The following CREBBP variants were observed in gnomAD, a reference collection of about 807,000 sequenced individuals.
CREBBP encodes CREB binding lysine acetyltransferase, also known as CREB-binding protein.
In CREBBP, 19 loss-of-function variants were observed where a neutral mutation model predicts 265.0. That is an observed-to-expected ratio of 0.07 (90% CI 0.05 to 0.11). CREBBP has a LOEUF of 0.11. CREBBP is among the 10% of genes least tolerant of loss of function. The pLI, the probability that CREBBP is intolerant of heterozygous loss-of-function variation, is 1.00. For missense variants in CREBBP, 2,525 were observed against 3,219.0 expected, an observed-to-expected ratio of 0.78 and a Z score of 5.22; for synonymous variants, 1,457 against 1,223.7, an observed-to-expected ratio of 1.19 and a Z score of -3.98.
At position 3,841,448 on chromosome 16, in the gene CREBBP, A is replaced by G. The variant is rs77872847; in HGVS notation, c.798+8849T>C. Among the ~76,000 whole-genome samples, 852 of 152,204 alleles carry G rather than the reference A, an allele frequency of 5.6e-3. 6 individuals carry two copies. The highest frequency in any genetic ancestry group is 0.018 in the African/African-American group (767 of 41,486). On this transcript the variant is annotated intron_variant, in intron 2 of 30. Coordinates refer to ENST00000262367, the MANE Select transcript of CREBBP (RefSeq NM_004380.3). ...TTTTTACAATTTTTAGTACAAATAA[A>G]GGTGTATATAAGAGAATCAATTTTT...
Position 3,775,412 on chromosome 16 carries a change from C to CT in CREBBP, c.2159-720dup, listed in dbSNP as rs1360325302. ...AATTTCCAATAATACTCTGTAAACT[C>CT]TGAGTTCTAAAGAAGCACCAGTTCA... On this transcript the variant is annotated intron_variant, in intron 11 of 30. Transcript: ENST00000262367. 5.9e-5 allele frequency among the ~76,000 whole-genome samples: 9 copies of CT among 152,290 alleles called. No homozygotes were observed. In the South Asian group the frequency reaches 1.5e-3, roughly 25 times the overall value.
Position 3,813,499 on chromosome 16 carries a change from T to G in CREBBP, c.799-2720A>C, listed in dbSNP as rs130049. 7.9e-5 allele frequency among the ~76,000 whole-genome samples: 12 copies of G among 152,372 alleles called. No individual in the cohort carries two copies. In the East Asian group the frequency reaches 1.7e-3, roughly 22 times the overall value. ...TAAATTAATTCCATGGAACACTTACTACTCTCAGAATTTGTCTTATTACAT... is the reference window on the plus strand; with the variant it reads ...TAAATTAATTCCATGGAACACTTACGACTCTCAGAATTTGTCTTATTACAT... On this transcript the variant is annotated intron_variant, in intron 2 of 30. Transcript: ENST00000262367.
rs1295122362 is a variant in CREBBP, at chr16:3,850,930, G to A, written c.165C>T (p.Asn55=). 1 of 1,614,180 alleles carries A rather than the reference G, an allele frequency of 6.2e-7. No homozygotes were observed. Among genetic ancestry groups the A allele is most frequent in the Non-Finnish European group, 8.5e-7 (1 of 1,180,038 alleles). Residue 55 remains asparagine, a synonymous_variant, in exon 2 of 31, where the codon AAC becomes AAT. Coordinates refer to ENST00000262367, the MANE Select transcript of CREBBP (RefSeq NM_004380.3). The stretch of plus-strand genomic sequence containing the variant: ...CAGCATCTGGAACAAGGTTCCCACT[G>A]TTTAAAAGGCCTAATTCTCCTCCAT... The part of the protein sequence containing the change: ...IPNGGELGLL[N]SGNLVPDAAS...
chr16:3,792,092 C>G lies in CREBBP; in HGVS notation c.1219G>C (p.Ala407Pro). 1 of 1,609,618 alleles carries G rather than the reference C, an allele frequency of 6.2e-7. No homozygotes were observed. The highest frequency in any genetic ancestry group is 8.5e-7 in the Non-Finnish European group (1 of 1,175,908). Residue 407 changes from alanine to proline, a missense_variant and splice_region_variant, in exon 5 of 31, where the codon GCC becomes CCC. Around this residue, in one of 19 missense-constraint regions of CREBBP, gnomAD observed 7 missense variants for 39.8 expected, o/e 0.18. Transcript: ENST00000262367. ...HCQAGKACQV[A>P]HCASSRQIIS... ...ATTTGTCGTGAAGATGCACAATGGG[C>G]AACTATGACCAGAAAAACAACGAGA...
At chr16:3,842,471 C>A (rs377447592) in intron 2 of CREBBP, among the ~76,000 whole-genome samples, 1 of 152,150 alleles carries the variant, frequency 6.6e-6, no homozygotes, top group African/African-American at 2.4e-5. Context: ...AGAACATGCT[C>A]CCCTCATAAG....
chr16:3,846,419 T>G (rs1322590417), intron 2 of CREBBP, among the ~76,000 whole-genome samples: 2 of 152,220 alleles, frequency 1.3e-5, no homozygotes, highest in Admixed American at 1.3e-4. Flanking sequence ...TGATTTAAAA[T>G]CTCAGTATCT....
rs1047759764 is a variant in CREBBP, at chr16:3,787,838, G to C, written c.1330+4143C>G. On this transcript the variant is annotated intron_variant, in intron 5 of 30. Coordinates refer to ENST00000262367, the MANE Select transcript of CREBBP (RefSeq NM_004380.3). The stretch of plus-strand genomic sequence containing the variant: ...CTACAGGCGCATGCTGCCATGCCCA[G>C]CTAATTATTTGTATTTTAGTAGAGA... 7.8e-4 allele frequency among the ~76,000 whole-genome samples: 118 copies of C among 152,226 alleles called. 1 individual carries two copies. The highest frequency in any genetic ancestry group is 7.7e-3 in the Admixed American group (117 of 15,286).
chr16:3,749,749 GT>G (rs1379225254), intron 20 of CREBBP, 66 bp from the exon 21 acceptor site: 1 of 1,044,424 alleles, frequency 9.6e-7, no homozygotes, highest in Admixed American at 2.2e-5. Flanking sequence ...AAACTATAGG[GT>G]CTCTGGAATG....
intron 2 of CREBBP, among the ~76,000 whole-genome samples, chr16:3,825,681 T>A (rs554723059): frequency 7.2e-5 from 11 of 152,322 alleles, no homozygotes; most frequent in African/African-American, 2.6e-4. Context: ...GGGGGAAACC[T>A]AATTTGTGAG....
At chr16:3,800,276 C>T (rs563031975) in intron 3 of CREBBP, among the ~76,000 whole-genome samples, 23 of 152,254 alleles carry the variant, frequency 1.5e-4, no homozygotes, top group African/African-American at 5.3e-4. Context: ...CATCACGACG[C>T]CCAGCTAAGT....
chr16:3,766,374 C>G (rs1186138626), intron 16 of CREBBP, among the ~76,000 whole-genome samples: 5 of 152,182 alleles, frequency 3.3e-5, no homozygotes, highest in African/African-American at 9.7e-5. Flanking sequence ...CCAAAATAAC[C>G]AATCACAACA....
intron 1 of CREBBP, among the ~76,000 whole-genome samples, chr16:3,865,421 C>A (rs1343056659): frequency 6.6e-6 from 1 of 152,074 alleles, no homozygotes; most frequent in Non-Finnish European, 1.5e-5. Flanking sequence ...GCTGTGTGTA[C>A]ACTATGCTAC....
intron 1 of CREBBP, among the ~76,000 whole-genome samples, chr16:3,871,488 T>C (rs1325225472): frequency 6.6e-6 from 1 of 152,262 alleles, no homozygotes; most frequent in Non-Finnish European, 1.5e-5. Context: ...GTAGAGTCTA[T>C]AATTGTCTAA....
At chr16:3,760,399 T>C (rs551714851) in intron 16 of CREBBP, among the ~76,000 whole-genome samples, 2 of 111,132 alleles carry the variant, frequency 1.8e-5, no homozygotes, top group Admixed American at 1.7e-4. Context: ...AGGTTTTTTT[T>C]TTTTTTTTTT....
In CREBBP at chr16:3,770,639, C is replaced by A; in HGVS notation, c.2811G>T (p.Pro937=). ...TPQPQTPVQP[P]SVATPQSSQQ... ...GCGATGACTGAGGGGTAGCCACAGA[C>A]GGGGGCTGAACTGGGGTTTGAGGCT... is the stretch of plus-strand genomic sequence containing the variant. The change falls in exon 14 of 31, where the codon CCG becomes CCT. Residue 937 remains proline (P), a synonymous_variant. Coordinates refer to ENST00000262367, the MANE Select transcript of CREBBP (RefSeq NM_004380.3). 4 of 1,613,940 alleles carry A rather than the reference C, an allele frequency of 2.5e-6. No homozygotes were observed. Among genetic ancestry groups the A allele is most frequent in the Non-Finnish European group, 3.4e-6 (4 of 1,180,026 alleles).
intron 2 of CREBBP, among the ~76,000 whole-genome samples, chr16:3,842,444 A>AT (rs372966597): frequency 5.3e-5 from 8 of 152,240 alleles, no homozygotes; most frequent in African/African-American, 1.9e-4. Flanking sequence ...TGTATGAGTT[A>AT]TTTTCAGTAG....
rs750959742 is a variant in CREBBP at position 3,774,585 on chromosome 16, A to C, written c.2267T>G (p.Met756Arg). 13 of 1,614,098 alleles carry C rather than the reference A, an allele frequency of 8.1e-6. No individual in the cohort carries two copies. Among genetic ancestry groups the C allele is most frequent in the African/African-American group, 2.7e-5 (2 of 74,936 alleles). ...AACACTTACCCCTGGCACTGAGCCC[A>C]TGCTGTTCATCTGGACAGAGTGGTT... ...PMNHSVQMNS[M>R]GSVPGMAISP... The change falls in exon 12 of 31, where the codon ATG becomes AGG. Residue 756 changes from methionine to arginine, a missense_variant. Coordinates refer to ENST00000262367, the MANE Select transcript of CREBBP (RefSeq NM_004380.3).
At position 3,778,081 on chromosome 16, in the gene CREBBP, G is replaced by A. The variant is rs555628489; in HGVS notation, c.2043C>T (p.Asn681=). Residue 681 remains asparagine, a synonymous_variant, in exon 10 of 31, where the codon AAC becomes AAT. Transcript: ENST00000262367. ...SRLHKQGILG[N]QPALPAPGAQ... ...CCCCCGGGGCTGGTAAGGCTGGCTG[G>A]TTCCCCAAGATGCCTTGTTTATGTA... is the stretch of plus-strand genomic sequence containing the variant. The A allele has an allele frequency of 4.3e-6, 7 of 1,614,234 alleles. No individual in the cohort carries two copies. The highest frequency in any genetic ancestry group is 4.0e-5 in the African/African-American group (3 of 75,064).
At chr16:3,820,036 TA>T (rs936331946) in intron 2 of CREBBP, among the ~76,000 whole-genome samples, 1 of 152,082 alleles carries the variant, frequency 6.6e-6, no homozygotes, top group South Asian at 2.1e-4. Flanking sequence ...ATATAAGGTG[TA>T]AAAAAACAAC....
Sources: gnomAD v4.1 joint callset for allele counts (sites outside exome capture counted in the v4.1 genomes callset) on GRCh38, gnomAD v4.1.1 for gene constraint, gnomAD v4.1.1 regional missense constraint, MANE v1.5 for transcripts, NCBI Gene and HGNC (gene_info 2026-07-23, HGNC 2026-07-21) for gene names.